Variants in TENM3 observed in about 807,000 individuals in gnomAD.
The protein encoded by TENM3 is teneurin transmembrane protein 3, also known as teneurin-3.
Under a neutral mutation model 255.1 loss-of-function variants are expected in TENM3, and 63 were observed. That is an observed-to-expected ratio of 0.25 (90% CI 0.20 to 0.30). The LOEUF (loss-of-function observed/expected upper bound fraction) is 0.30. TENM3 is among the 10% of genes least tolerant of loss of function. The pLI is 1.00. For missense variants in TENM3, 2,929 were observed against 3,461.1 expected, an observed-to-expected ratio of 0.85 and a Z score of 3.86; for synonymous variants, 1,306 against 1,322.3, an observed-to-expected ratio of 0.99 and a Z score of 0.27.
At chr4:181,825,964 C>G in the TENM3 span, among the ~76,000 whole-genome samples, 1 of 152,028 alleles carries the variant, frequency 6.6e-6, no homozygotes, top group South Asian at 2.1e-4. Context: ...TAATAGTGAC[C>G]CCAAAACCTA....
the TENM3 span, among the ~76,000 whole-genome samples, chr4:181,641,264 C>G: frequency 6.6e-6 from 1 of 151,572 alleles, no homozygotes; most frequent in African/African-American, 2.4e-5. Flanking sequence ...TATACATGTG[C>G]CATGGTGTTT....
intron 1 of TENM3, among the ~76,000 whole-genome samples, chr4:182,195,062 C>T (rs1753758006): frequency 8.7e-6 from 1 of 114,790 alleles, no homozygotes; most frequent in Admixed American, 8.7e-5. Flanking sequence ...CACACACACA[C>T]ACACACTTAT....
At chr4:182,581,749 A>G (rs1213770763) in intron 3 of TENM3, among the ~76,000 whole-genome samples, 1 of 152,180 alleles carries the variant, frequency 6.6e-6, no homozygotes, top group African/African-American at 2.4e-5. Flanking sequence ...AAAGAAAAAT[A>G]AAAAAGAAAA....
chr4:182,516,915 T>C (rs544780688), intron 3 of TENM3, among the ~76,000 whole-genome samples: 1 of 151,806 alleles, frequency 6.6e-6, no homozygotes, highest in East Asian at 1.9e-4. Flanking sequence ...TGTAGGATTA[T>C]TGTATATCAC....
intron 12 of TENM3, among the ~76,000 whole-genome samples, chr4:182,704,098 C>G (rs1758092181): frequency 6.7e-6 from 1 of 148,398 alleles, no homozygotes; most frequent in Non-Finnish European, 1.5e-5. Context: ...TAAAATATAC[C>G]TTTTTTTTTT....
At position 182,730,939 on chromosome 4, in the gene TENM3, C is replaced by T. The variant is rs1448352114; in HGVS notation, c.2767C>T (p.Leu923Phe). 2 of 1,613,874 alleles carry T rather than the reference C, an allele frequency of 1.2e-6. No homozygotes were observed. Among genetic ancestry groups the T allele is most frequent in the South Asian group, 1.1e-5 (1 of 91,074 alleles). ...TTTGGTATTTGAACGATCCCCATTC[C>T]TCACTCAGTATCATACTGTGTGGAT... ...LTLVFERSPF[L>F]TQYHTVWIPW... The change falls in exon 16 of 28, where the codon CTC becomes TTC. Residue 923 changes from leucine (L) to phenylalanine (F), a missense_variant. This residue lies in a region of TENM3 where 1,608 missense variants were observed against 1,884.4 expected (regional missense o/e 0.85). Transcript: ENST00000511685.
intron 12 of TENM3, among the ~76,000 whole-genome samples, chr4:182,711,972 A>C (rs937261162): frequency 6.6e-6 from 1 of 152,152 alleles, no homozygotes; most frequent in African/African-American, 2.4e-5. Flanking sequence ...AAGAATCACA[A>C]ATACTCTTAT....
At chr4:181,795,836 G>T in the TENM3 span, among the ~76,000 whole-genome samples, 1 of 152,186 alleles carries the variant, frequency 6.6e-6, no homozygotes, top group Non-Finnish European at 1.5e-5. Flanking sequence ...AATCCATGGG[G>T]AAGTATAACC....
intron 2 of TENM3, among the ~76,000 whole-genome samples, chr4:182,326,844 A>G (rs920121702): frequency 2.0e-5 from 3 of 152,134 alleles, no homozygotes; most frequent in African/African-American, 4.8e-5. Context: ...CGCCCAGCCC[A>G]TTTTAGTCAA....
At chr4:182,587,943 G>A (rs1746212101) in intron 3 of TENM3, among the ~76,000 whole-genome samples, 1 of 151,928 alleles carries the variant, frequency 6.6e-6, no homozygotes, top group Non-Finnish European at 1.5e-5. Flanking sequence ...TAGTATGGTA[G>A]GGTATTTTAT....
the TENM3 span, among the ~76,000 whole-genome samples, chr4:181,950,937 G>T: frequency 6.6e-6 from 1 of 152,042 alleles, no homozygotes; most frequent in Admixed American, 6.5e-5. Context: ...AGCTACTCGG[G>T]AGGCTGAAGC....
chr4:181,818,521 T>A, the TENM3 span, among the ~76,000 whole-genome samples: 3 of 152,180 alleles, frequency 2.0e-5, no homozygotes, highest in Non-Finnish European at 2.9e-5. Context: ...TTTATTTTTA[T>A]ATTTATTTTA....
chr4:181,855,637 T>C, the TENM3 span, among the ~76,000 whole-genome samples: 1 of 152,340 alleles, frequency 6.6e-6, no homozygotes, highest in East Asian at 1.9e-4. Context: ...AAGGTTATTA[T>C]TCTTCATGCT....
At chr4:182,795,973 A>G (rs568604684) in intron 26 of TENM3, among the ~76,000 whole-genome samples, 1 of 152,212 alleles carries the variant, frequency 6.6e-6, no homozygotes, top group Non-Finnish European at 1.5e-5. Flanking sequence ...TTGGAGTCAC[A>G]TGGCAATATT....
At chr4:181,609,243 C>T in the TENM3 span, among the ~76,000 whole-genome samples, 124 of 152,230 alleles carry the variant, frequency 8.1e-4, no homozygotes, top group Middle Eastern at 3.4e-3. Flanking sequence ...TGGTTTTACT[C>T]TTACTAGTTT....
At chr4:182,712,851 T>C (rs1271852990) in intron 12 of TENM3, among the ~76,000 whole-genome samples, 1 of 152,236 alleles carries the variant, frequency 6.6e-6, no homozygotes, top group Non-Finnish European at 1.5e-5. Flanking sequence ...TATTAATATG[T>C]TTTATACCAA....
the TENM3 span, among the ~76,000 whole-genome samples, chr4:181,577,146 TTAATA>T: frequency 7.4e-6 from 1 of 134,938 alleles, no homozygotes; most frequent in Non-Finnish European, 1.5e-5. Flanking sequence ...TAATATATAA[TTAATA>T]TATATATAAA....
chr4:182,412,259 C>T (rs1028928319), intron 3 of TENM3, among the ~76,000 whole-genome samples: 2 of 152,064 alleles, frequency 1.3e-5, no homozygotes, highest in African/African-American at 2.4e-5. Context: ...AGGTTCATGA[C>T]AGAACGAGAG....
chr4:182,232,298 TAAG>T (rs1756631916), intron 1 of TENM3, among the ~76,000 whole-genome samples: 3 of 152,090 alleles, frequency 2.0e-5, no homozygotes, highest in Non-Finnish European at 2.9e-5. Context: ...GAGGAAAGAT[TAAG>T]GAGGAAAGGG....
Sources: allele counts gnomAD v4.1 joint callset (sites outside exome capture counted in the v4.1 genomes callset), GRCh38; gene constraint gnomAD v4.1.1; regional missense constraint gnomAD v4.1.1; transcripts MANE v1.5; gene names NCBI Gene and HGNC (gene_info 2026-07-23, HGNC 2026-07-21).